Variants in DACH2 observed in about 807,000 individuals in gnomAD.
The protein encoded by DACH2 is dachshund family transcription factor 2.
A neutral mutation model predicts 35.8 loss-of-function variants in DACH2; 17 were observed. The observed-to-expected ratio is 0.48, with a 90% CI of 0.33 to 0.71. The LOEUF (loss-of-function observed/expected upper bound fraction) is 0.71. Among genes scored for constraint, DACH2 ranks in the 30% least tolerant of loss-of-function variants. The probability of loss-of-function intolerance (pLI) is 0.02; values close to 1 mark genes in which losing one functional copy is unlikely to be tolerated. For missense variants in DACH2, 469 were observed against 472.7 expected, an observed-to-expected ratio of 0.99 and a Z score of 0.07; for synonymous variants, 195 against 177.3, an observed-to-expected ratio of 1.10 and a Z score of -0.79.
intron 3 of DACH2, among the ~76,000 whole-genome samples, chrX:86,608,697 G>C (rs1458350852): frequency 9.0e-6 from 1 of 111,491 alleles, no homozygotes; most frequent in African/African-American, 3.3e-5. Flanking sequence ...CATGTTTAAA[G>C]AATATTTTCA....
intron 1 of DACH2, among the ~76,000 whole-genome samples, chrX:86,319,831 A>G (rs1417662417): frequency 8.9e-6 from 1 of 112,087 alleles, no homozygotes; most frequent in Non-Finnish European, 1.9e-5. Context: ...TTTTAAATAG[A>G]CACTACACAC....
chrX:86,549,614 G>A (rs866322959), intron 3 of DACH2, among the ~76,000 whole-genome samples: 9 of 108,416 alleles, frequency 8.3e-5, no homozygotes, highest in Non-Finnish European at 9.6e-5. Context: ...CTGAAAAAAC[G>A]ATATTTTTCT....
rs766436513 is a variant in DACH2, at chrX:86,287,139, A to AT, written c.489-89680dup. 5.7e-5 allele frequency among the ~76,000 whole-genome samples: 6 copies of AT among 105,722 alleles called. No individual in the cohort carries two copies. The East Asian group carries it at 1.5e-3, about 27-fold the overall frequency. 91.8% of individuals were successfully genotyped at this position (105,722 alleles called of 115,157 possible). On this transcript the variant is annotated intron_variant, in intron 1 of 11. Transcript: ENST00000373125. Reference sequence around the variant, plus strand: ...TATTTCTCCTTCATGTTTCAAGGATATTTTTGCCAGATATGCTATTCTAGG... The same window carrying AT: ...TATTTCTCCTTCATGTTTCAAGGATATTTTTTGCCAGATATGCTATTCTAGG...
At position 86,254,807 on chromosome X, in the gene DACH2, T is replaced by TATATATATAGAG. The variant is rs1380613474; in HGVS notation, c.488+105700_488+105701insTATATATAGAGA. Among the ~76,000 whole-genome samples, 71 of 49,616 alleles carry TATATATATAGAG rather than the reference T, an allele frequency of 1.4e-3. 1 individual carries two copies. The highest frequency in any genetic ancestry group is 4.7e-3 in the African/African-American group (40 of 8,529). 43.1% of individuals were successfully genotyped at this position (49,616 alleles called of 115,157 possible). ...ATATATATATATATATATATATATA[T>TATATATATAGAG]AGAGAGAGAGAGAGAGAGAGAGAGA... On this transcript the variant is annotated intron_variant, in intron 1 of 11. Transcript: ENST00000373125.
chrX:86,451,989 G>T (rs1257693772), intron 2 of DACH2, among the ~76,000 whole-genome samples: 1 of 111,561 alleles, frequency 9.0e-6, no homozygotes. Context: ...TTATTATTTT[G>T]AGGTATGTTC....
chrX:86,254,807 T>TATATAGAGAGAGAGAGAG (rs1380613474), intron 1 of DACH2, among the ~76,000 whole-genome samples: 3 of 49,652 alleles, frequency 6.0e-5, no homozygotes, highest in African/African-American at 3.5e-4. Flanking sequence ...TATATATATA[T>TATATAGAGAGAGAGAGAG]AGAGAGAGAG....
intron 3 of DACH2, among the ~76,000 whole-genome samples, chrX:86,643,399 C>T (rs1437739835): frequency 9.1e-6 from 1 of 110,100 alleles, no homozygotes; most frequent in Non-Finnish European, 1.9e-5. Context: ...ATACAACCTC[C>T]CAAGGCTGAG....
intron 1 of DACH2, among the ~76,000 whole-genome samples, chrX:86,277,742 T>C (rs1327216369): frequency 2.7e-5 from 3 of 111,512 alleles, no homozygotes; most frequent in African/African-American, 9.8e-5. Context: ...CAACAACCAA[T>C]TGAGAGCAAT....
rs1380162955 is a variant in DACH2 at position 86,350,188 on chromosome X, T to C, written c.489-26636T>C. 3.0e-4 allele frequency among the ~76,000 whole-genome samples: 5 copies of C among 16,608 alleles called. 2 individuals are homozygous for C. Among genetic ancestry groups the C allele is most frequent in the Non-Finnish European group, 5.4e-4 (5 of 9,258 alleles). 14.4% of individuals were successfully genotyped at this position (16,608 alleles called of 115,157 possible). On this transcript the variant is annotated intron_variant, in intron 1 of 11. Coordinates refer to ENST00000373125, the MANE Select transcript of DACH2 (RefSeq NM_053281.3). ...GTCTCAAAAACAAAACAAGTGTCTGTTCATGTCCTTCGCCCACTTTTTGAT... is the reference window on the plus strand; with the variant it reads ...GTCTCAAAAACAAAACAAGTGTCTGCTCATGTCCTTCGCCCACTTTTTGAT...
chrX:86,410,112 G>C (rs1169702624), intron 2 of DACH2, among the ~76,000 whole-genome samples: 1 of 112,106 alleles, frequency 8.9e-6, no homozygotes, highest in Non-Finnish European at 1.9e-5. Context: ...CTTTGTTATT[G>C]TCACTTCATT....
chrX:86,388,989 C>T (rs921413973), intron 2 of DACH2, among the ~76,000 whole-genome samples: 12 of 111,099 alleles, frequency 1.1e-4, no homozygotes, highest in East Asian at 2.8e-4. Flanking sequence ...ATATGTGTTT[C>T]GGTGAGAAAG....
chrX:86,390,811 A>T (rs2036189723), intron 2 of DACH2, among the ~76,000 whole-genome samples: 1 of 109,204 alleles, frequency 9.2e-6, no homozygotes, highest in Non-Finnish European at 1.9e-5. Context: ...GCTGGTCTTG[A>T]ACTTCTGACC....
intron 2 of DACH2, among the ~76,000 whole-genome samples, chrX:86,488,404 C>A (rs757112110): frequency 1.8e-5 from 2 of 110,806 alleles, no homozygotes; most frequent in Admixed American, 1.9e-4. Context: ...CTTTAATATT[C>A]TTGGATTATT....
At chrX:86,323,293 G>T (rs1167114576) in intron 1 of DACH2, among the ~76,000 whole-genome samples, 1 of 112,122 alleles carries the variant, frequency 8.9e-6, no homozygotes, top group Non-Finnish European at 1.9e-5. Context: ...CATGGAAAAA[G>T]AAATAGCCTA....
rs751381051 is a variant in DACH2, at chrX:86,248,207, A to G, written c.488+99099A>G. Among the ~76,000 whole-genome samples, 21 of 111,205 alleles carry G rather than the reference A, an allele frequency of 1.9e-4. No homozygotes were observed. The Middle Eastern group carries it at 0.018, about 98-fold the overall frequency. Reference sequence around the variant, plus strand: ...TAGCCAGAGCAATCAATCAGGCAAGAGAAAGAAATAAAAGGCACCCACATA... The same window carrying G: ...TAGCCAGAGCAATCAATCAGGCAAGGGAAAGAAATAAAAGGCACCCACATA... On this transcript the variant is annotated intron_variant, in intron 1 of 11. Coordinates refer to ENST00000373125, the MANE Select transcript of DACH2 (RefSeq NM_053281.3).
intron 11 of DACH2, among the ~76,000 whole-genome samples, chrX:86,816,634 T>G (rs2042455342): frequency 8.9e-6 from 1 of 111,968 alleles, no homozygotes; most frequent in African/African-American, 3.2e-5. Context: ...ATTCGTGATT[T>G]ACATGATTAT....
chrX:86,609,872 C>G (rs955309193), intron 3 of DACH2, among the ~76,000 whole-genome samples: 1 of 111,357 alleles, frequency 9.0e-6, no homozygotes, highest in Admixed American at 9.6e-5. Context: ...CAAAAGCAGC[C>G]CTATGGCCAA....
chrX:86,513,541 T>G (rs1472605824), intron 2 of DACH2, among the ~76,000 whole-genome samples: 1 of 112,059 alleles, frequency 8.9e-6, no homozygotes, highest in African/African-American at 3.2e-5. Flanking sequence ...AATTACAGTT[T>G]CTGAACTGCT....
chrX:86,336,346 T>A (rs2035309849), intron 1 of DACH2, among the ~76,000 whole-genome samples: 1 of 112,102 alleles, frequency 8.9e-6, no homozygotes, highest in Non-Finnish European at 1.9e-5. Flanking sequence ...TTTGTACCTC[T>A]GGTAGAATTC....
Sources: gnomAD v4.1 joint callset for allele counts (sites outside exome capture counted in the v4.1 genomes callset) on GRCh38, gnomAD v4.1.1 for gene constraint, MANE v1.5 for transcripts, NCBI Gene and HGNC (gene_info 2026-07-23, HGNC 2026-07-21) for gene names.